SYN3: variants seen among roughly 807,000 people sequenced by gnomAD.
SYN3 encodes the protein synapsin-3.
A neutral mutation model predicts 65.8 loss-of-function variants in SYN3; 35 were observed. The ratio of observed to expected loss-of-function variants is 0.53; its 90% CI spans 0.41 to 0.70. SYN3 has a LOEUF of 0.70. Among genes scored for constraint, SYN3 ranks in the 30% least tolerant of loss-of-function variants. SYN3 has a pLI of 0.00. For synonymous variants in SYN3, 270 were observed against 292.9 expected (o/e 0.92, Z 0.80); for missense variants, 680 against 749.0 (o/e 0.91, Z 1.08).
intron 6 of SYN3, among the ~76,000 whole-genome samples, chr22:32,601,335 T>C (rs1460513619): frequency 6.6e-6 from 1 of 151,796 alleles, no homozygotes; most frequent in Non-Finnish European, 1.5e-5. Flanking sequence ...TGGAGTGCAG[T>C]GGTGCGATCT....
intron 2 of SYN3, among the ~76,000 whole-genome samples, chr22:32,990,326 AT>A (rs2052664450): frequency 6.6e-6 from 1 of 151,350 alleles, no homozygotes; most frequent in South Asian, 2.1e-4. Context: ...CCATCCATCC[AT>A]CCATCCATCC....
intron 1 of SYN3, among the ~76,000 whole-genome samples, chr22:33,048,535 G>A (rs1271713982): frequency 6.6e-6 from 1 of 152,094 alleles, no homozygotes; most frequent in Non-Finnish European, 1.5e-5. Context: ...GTGAGTTCTT[G>A]CCCTATTAGT....
intron 6 of SYN3, among the ~76,000 whole-genome samples, chr22:32,645,450 TG>T (rs1569120182): frequency 8.9e-6 from 1 of 111,738 alleles, no homozygotes. Flanking sequence ...AAACTCCGTC[TG>T]AAAAAAAAAA....
chr22:32,599,324 C>CTTT (rs58109238), intron 6 of SYN3, among the ~76,000 whole-genome samples: 1 of 144,030 alleles, frequency 6.9e-6, no homozygotes. Context: ...CCCTGATGTA[C>CTTT]TTTTTTTTTT....
At position 32,977,722 on chromosome 22, in the gene SYN3, G is replaced by A. The variant is rs188463308; in HGVS notation, c.369+2923C>T. Among the ~76,000 whole-genome samples the A allele has an allele frequency of 7.1e-4, 102 of 144,174 alleles. No individual in the cohort carries two copies. In the Middle Eastern group the frequency reaches 0.019, roughly 27 times the overall value. The allele number at this position is 144,174 out of a possible 152,430, so 94.6% of individuals were successfully genotyped here. A position where few individuals can be genotyped will look rare whatever the true frequency, so the allele number is the denominator to read the frequency against. On this transcript the variant is annotated intron_variant, in intron 3 of 13. Transcript: ENST00000358763. ...TTGCGCCACTGCACTCCAGCCTGGC[G>A]ACAGGGTGAGACTGTCTCCAAAAAA... is the stretch of plus-strand genomic sequence containing the variant.
chr22:32,726,235 C>T (rs1173735337), intron 6 of SYN3, among the ~76,000 whole-genome samples: 2 of 152,166 alleles, frequency 1.3e-5, no homozygotes, highest in Admixed American at 6.5e-5. Context: ...CTCCGCTTCC[C>T]GGGTTCAAGA....
intron 2 of SYN3, among the ~76,000 whole-genome samples, chr22:32,988,168 A>G (rs1031891161): frequency 6.6e-6 from 1 of 151,902 alleles, no homozygotes; most frequent in African/African-American, 2.4e-5. Flanking sequence ...TTAGCCAGGC[A>G]TGGTGGTGCA....
intron 3 of SYN3, among the ~76,000 whole-genome samples, chr22:32,961,795 A>T (rs1218863667): frequency 6.6e-6 from 1 of 152,238 alleles, no homozygotes; most frequent in African/African-American, 2.4e-5. Context: ...AAATGAGTCA[A>T]CTTACATCCA....
intron 10 of SYN3, among the ~76,000 whole-genome samples, chr22:32,532,221 G>A (rs1471200741): frequency 2.0e-5 from 3 of 152,412 alleles, no homozygotes; most frequent in Admixed American, 6.5e-5. Flanking sequence ...AAATGAGTGC[G>A]TGTGTGCCAA....
chr22:32,678,371 T>C (rs1017735998), intron 6 of SYN3, among the ~76,000 whole-genome samples: 7 of 152,018 alleles, frequency 4.6e-5, no homozygotes, highest in Non-Finnish European at 8.8e-5. Context: ...CCCACTTCTC[T>C]CCAAATGTGT....
chr22:32,979,463 A>T (rs1187690476), intron 3 of SYN3, among the ~76,000 whole-genome samples: 1 of 152,230 alleles, frequency 6.6e-6, no homozygotes, highest in East Asian at 1.9e-4. Context: ...ATATTAAGCC[A>T]ACTTAGTTTG....
intron 6 of SYN3, among the ~76,000 whole-genome samples, chr22:32,823,293 C>A (rs1224422935): frequency 6.6e-6 from 1 of 152,172 alleles, no homozygotes; most frequent in East Asian, 1.9e-4. Flanking sequence ...CGCTGGAAAT[C>A]CTCTCTCTCC....
chr22:32,900,277 GCA>G (rs1450091549), intron 4 of SYN3, among the ~76,000 whole-genome samples: 1 of 152,194 alleles, frequency 6.6e-6, no homozygotes, highest in Non-Finnish European at 1.5e-5. Flanking sequence ...ACTCAGCCCA[GCA>G]CCATCTTTTC....
chr22:32,828,108 A>G (rs867417617), intron 6 of SYN3, among the ~76,000 whole-genome samples: 9 of 152,240 alleles, frequency 5.9e-5, no homozygotes, highest in Admixed American at 2.0e-4. Flanking sequence ...TTCACCATCT[A>G]GAAGATACTT....
At chr22:32,655,871 T>G (rs2060135567) in intron 6 of SYN3, among the ~76,000 whole-genome samples, 1 of 152,126 alleles carries the variant, frequency 6.6e-6, no homozygotes, top group Non-Finnish European at 1.5e-5. Flanking sequence ...CCCTGGTCAG[T>G]GGAAAAATTG....
intron 3 of SYN3, chr22:32,947,654 T>A (rs1304319972): frequency 6.6e-6 from 1 of 152,238 alleles, no homozygotes; most frequent in African/African-American, 2.4e-5. Flanking sequence ...TGGAAGCACA[T>A]AATAGAAGGC....
chr22:32,890,469 C>T (rs1397458411), intron 4 of SYN3, among the ~76,000 whole-genome samples: 1 of 152,030 alleles, frequency 6.6e-6, no homozygotes, highest in Non-Finnish European at 1.5e-5. Flanking sequence ...CAAGCTCCGC[C>T]TCCCGGGTTC....
chr22:33,051,273 G>C (rs1172231419), intron 1 of SYN3, among the ~76,000 whole-genome samples: 1 of 152,080 alleles, frequency 6.6e-6, no homozygotes, highest in Non-Finnish European at 1.5e-5. Flanking sequence ...ACCCAATTCT[G>C]AAAAATTAAA....
At chr22:32,639,000 C>T (rs1211867290) in intron 6 of SYN3, among the ~76,000 whole-genome samples, 2 of 152,138 alleles carry the variant, frequency 1.3e-5, no homozygotes, top group Non-Finnish European at 2.9e-5. Flanking sequence ...GTGGCCCAGG[C>T]TGGAGTGCAG....
Sources: allele counts gnomAD v4.1 joint callset (sites outside exome capture counted in the v4.1 genomes callset), GRCh38; gene constraint gnomAD v4.1.1; transcripts MANE v1.5; gene names NCBI Gene and HGNC (gene_info 2026-07-23, HGNC 2026-07-21).